AMPD3: variants seen among roughly 807,000 people sequenced by gnomAD.
AMPD3 encodes AMP deaminase 3.
AMPD3 carries 57 observed loss-of-function variants against 82.3 expected under a neutral mutation model. The observed-to-expected ratio is 0.69, with a 90% CI of 0.56 to 0.86. The LOEUF is 0.86. Ranked by LOEUF, AMPD3 falls within the 40% of genes least tolerant of loss-of-function variation. The pLI, the probability that AMPD3 is intolerant of heterozygous loss-of-function variation, is 0.00. For missense variants in AMPD3, 870 were observed against 1,003.8 expected (o/e 0.87, Z 1.80); for synonymous variants, 381 against 394.7 (o/e 0.97, Z 0.41).
chr11:10,493,938 A>G lies in AMPD3; in HGVS notation c.1134+395A>G, dbSNP rs60018446. 9.5e-3 allele frequency among the ~76,000 whole-genome samples: 1,451 copies of G among 152,374 alleles called. 28 individuals are homozygous for G. The highest frequency in any genetic ancestry group is 0.033 in the African/African-American group (1,370 of 41,582). On this transcript the variant is annotated intron_variant, in intron 7 of 14. Coordinates refer to ENST00000396553, the MANE Select transcript of AMPD3 (RefSeq NM_001025389.2). ...AAAACAGTATGGTAGTTCCTAAAAAAGTTAAGTATAGAATTACCTATGCCT... is the reference window on the plus strand; with the variant it reads ...AAAACAGTATGGTAGTTCCTAAAAAGGTTAAGTATAGAATTACCTATGCCT...
intron 6 of AMPD3, among the ~76,000 whole-genome samples, chr11:10,491,775 A>G (rs1355104318): frequency 6.6e-6 from 1 of 152,208 alleles, no homozygotes; most frequent in Non-Finnish European, 1.5e-5. Flanking sequence ...GGAGAAAATC[A>G]GGTTTGGGCT....
Position 10,470,402 on chromosome 11 carries a change from C to T in AMPD3, c.222-8124C>T, listed in dbSNP as rs951505281. 7.2e-5 allele frequency among the ~76,000 whole-genome samples: 11 copies of T among 152,244 alleles called. No individual in the cohort carries two copies. The East Asian group carries it at 9.7e-4, about 13-fold the overall frequency. On this transcript the variant is annotated intron_variant, in intron 2 of 14. Coordinates refer to ENST00000396553, the MANE Select transcript of AMPD3 (RefSeq NM_001025389.2). Reference sequence around the variant, plus strand: ...TGGAAGCATTCCCTTTGAAAACTGGCGCAAGACAAGTATGCCCTCTCTCAC... The same window carrying T: ...TGGAAGCATTCCCTTTGAAAACTGGTGCAAGACAAGTATGCCCTCTCTCAC...
chr11:10,461,313 C>T (rs1848262836), intron 1 of AMPD3: 5 of 1,564,934 alleles, frequency 3.2e-6, no homozygotes, highest in Non-Finnish European at 4.3e-6. Flanking sequence ...CTCCTGACAC[C>T]TAAGTGGCCC....
At chr11:10,497,776 C>CT in intron 10 of AMPD3, 1 of 985,358 alleles carries the variant, frequency 1.0e-6, no homozygotes, top group South Asian at 4.7e-5. Flanking sequence ...AGGAGGGGAG[C>CT]TTGACCCAGC....
At chr11:10,495,848 G>A (rs1396384160) in intron 9 of AMPD3, 115 bp downstream of exon 9, 18 of 1,349,738 alleles carry the variant, frequency 1.3e-5, no homozygotes, top group Admixed American at 5.7e-5. Flanking sequence ...GCCAGCTTAC[G>A]CTTGTCCTTT....
intron 2 of AMPD3, among the ~76,000 whole-genome samples, chr11:10,472,985 G>A (rs1348258127): frequency 6.6e-6 from 1 of 152,052 alleles, no homozygotes; most frequent in Non-Finnish European, 1.5e-5. Context: ...GCCTGGCTGA[G>A]GGAGGGAGAC....
At chr11:10,462,293 C>T (rs1262479553) in intron 2 of AMPD3, among the ~76,000 whole-genome samples, 1 of 152,170 alleles carries the variant, frequency 6.6e-6, no homozygotes, top group Non-Finnish European at 1.5e-5. Flanking sequence ...GAATTGGTTA[C>T]ACAGGTGGTA....
chr11:10,484,952 A>G lies in AMPD3; in HGVS notation c.722A>G (p.Gln241Arg), dbSNP rs1408212210. 2 of 1,614,070 alleles carry G rather than the reference A, an allele frequency of 1.2e-6. No homozygotes were observed. Among genetic ancestry groups the G allele is most frequent in the South Asian group, 2.2e-5 (2 of 91,076 alleles). The change falls in exon 5 of 15, where the codon CAG (glutamine) becomes CGG (arginine). Residue 241 changes from glutamine to arginine, a missense_variant. Coordinates refer to ENST00000396553, the MANE Select transcript of AMPD3 (RefSeq NM_001025389.2). ...GATAACAAGAAGATGCTGGAGCACCAGGAGCCGCACAGCCTACCCTACCCC... is the reference window on the plus strand; with the variant it reads ...GATAACAAGAAGATGCTGGAGCACCGGGAGCCGCACAGCCTACCCTACCCC... ...VYDNKKMLEH[Q>R]EPHSLPYPDL...
chr11:10,471,400 C>T (rs892365741), intron 2 of AMPD3, among the ~76,000 whole-genome samples: 2 of 152,176 alleles, frequency 1.3e-5, no homozygotes, highest in Admixed American at 6.5e-5. Context: ...TGGGCAAAGA[C>T]TTCATGTATA....
chr11:10,481,810 GTCACAT>G, intron 3 of AMPD3: 1 of 526,526 alleles, frequency 1.9e-6, no homozygotes. Context: ...ACTGGGGCTG[GTCACAT>G]GTCTGCATAG....
intron 1 of AMPD3, chr11:10,460,863 T>C: frequency 1.0e-6 from 1 of 984,764 alleles, no homozygotes; most frequent in South Asian, 4.7e-5. Flanking sequence ...AGGAGGTGGA[T>C]AGAGAAAGCT....
At chr11:10,478,194 T>C in intron 2 of AMPD3, 2 of 985,418 alleles carry the variant, frequency 2.0e-6, no homozygotes, top group Non-Finnish European at 2.4e-6. Flanking sequence ...TCCCCTCTAG[T>C]GCCCTGTGGT....
At chr11:10,457,575 G>A (rs954272508) in intron 1 of AMPD3, among the ~76,000 whole-genome samples, 1 of 152,132 alleles carries the variant, frequency 6.6e-6, no homozygotes, top group African/African-American at 2.4e-5. Flanking sequence ...GTCCTGAAAA[G>A]TATTTTTAGT....
intron 6 of AMPD3, among the ~76,000 whole-genome samples, chr11:10,491,146 C>G (rs865900952): frequency 2.0e-5 from 3 of 152,208 alleles, no homozygotes; most frequent in Non-Finnish European, 4.4e-5. Context: ...AGCGCCCAGT[C>G]GGCCGCAGCA....
intron 4 of AMPD3, 36 bp from the exon 5 acceptor site, chr11:10,484,784 A>AGGGGCACT: frequency 1.2e-6 from 2 of 1,608,206 alleles, no homozygotes; most frequent in African/African-American, 2.7e-5. Flanking sequence ...TCACAAGGTC[A>AGGGGCACT]GGGGCACTTT....
At chr11:10,498,036 T>C (rs1479419219) in intron 10 of AMPD3, among the ~76,000 whole-genome samples, 1 of 152,176 alleles carries the variant, frequency 6.6e-6, no homozygotes, top group Non-Finnish European at 1.5e-5. Flanking sequence ...AAACAGATCA[T>C]AAAGCTAAAA....
intron 1 of AMPD3, among the ~76,000 whole-genome samples, chr11:10,460,169 C>G (rs1848225247): frequency 6.6e-6 from 1 of 150,874 alleles, no homozygotes; most frequent in African/African-American, 2.4e-5. Flanking sequence ...ACGATCATAA[C>G]TCACTGCAGC....
At chr11:10,476,931 C>A in intron 2 of AMPD3, 2 of 950,450 alleles carry the variant, frequency 2.1e-6, no homozygotes, top group Non-Finnish European at 2.5e-6. Flanking sequence ...CTTAGCAGGA[C>A]CAGGGGCAAG....
chr11:10,476,777 G>A (rs1296085523), intron 2 of AMPD3, among the ~76,000 whole-genome samples: 1 of 152,190 alleles, frequency 6.6e-6, no homozygotes, highest in African/African-American at 2.4e-5. Context: ...AGGTGAATCC[G>A]CCTCTGAGGA....
Sources: gnomAD v4.1 joint callset for allele counts (sites outside exome capture counted in the v4.1 genomes callset) on GRCh38, gnomAD v4.1.1 for gene constraint, MANE v1.5 for transcripts, NCBI Gene and HGNC (gene_info 2026-07-23, HGNC 2026-07-21) for gene names.